Variants in MAF observed in about 807,000 individuals in gnomAD.
MAF encodes the protein MAF bZIP transcription factor.
MAF carries 10 observed loss-of-function variants against 22.0 expected under a neutral mutation model. The observed-to-expected ratio is 0.45, with a 90% CI of 0.28 to 0.77. The LOEUF (loss-of-function observed/expected upper bound fraction) is 0.77. Ranked by LOEUF, MAF falls within the 30% of genes least tolerant of loss-of-function variation. The pLI, the probability that MAF is intolerant of heterozygous loss-of-function variation, is 0.12. For missense variants in MAF, 544 were observed against 548.4 expected (o/e 0.99, Z 0.08); for synonymous variants, 337 against 255.8 (o/e 1.32, Z -3.03).
chr16:79,284,549 A>ATGTC, the MAF span, among the ~76,000 whole-genome samples: 1 of 152,210 alleles, frequency 6.6e-6, no homozygotes, highest in Non-Finnish European at 1.5e-5. Flanking sequence ...AGTTCGGCAG[A>ATGTC]TGTCTGCCAA....
chr16:79,415,112 C>G, the MAF span, among the ~76,000 whole-genome samples: 1 of 152,208 alleles, frequency 6.6e-6, no homozygotes, highest in East Asian at 1.9e-4. Context: ...AACTAGAAAT[C>G]TTTGAGAGCA....
At chr16:79,488,137 C>T in the MAF span, among the ~76,000 whole-genome samples, 12 of 152,220 alleles carry the variant, frequency 7.9e-5, no homozygotes, top group Non-Finnish European at 1.5e-4. Flanking sequence ...CCACGGATAA[C>T]TCATCCTGCT....
the MAF span, among the ~76,000 whole-genome samples, chr16:79,341,081 G>A: frequency 6.6e-6 from 1 of 152,188 alleles, no homozygotes; most frequent in Non-Finnish European, 1.5e-5. Flanking sequence ...CCGGAAGCAG[G>A]AAGAACCAGG....
chr16:79,452,881 C>A, the MAF span, among the ~76,000 whole-genome samples: 2 of 152,174 alleles, frequency 1.3e-5, no homozygotes, highest in African/African-American at 2.4e-5. Context: ...AGAACCTGTG[C>A]CCCTGGATCA....
At chr16:79,209,079 T>G in the MAF span, among the ~76,000 whole-genome samples, 2 of 152,328 alleles carry the variant, frequency 1.3e-5, no homozygotes, top group Admixed American at 1.3e-4. Context: ...TGTGATGGAA[T>G]TTAGATGGTA....
At chr16:79,461,518 A>C in the MAF span, among the ~76,000 whole-genome samples, 1 of 152,176 alleles carries the variant, frequency 6.6e-6, no homozygotes. Context: ...GCGCCAGGCC[A>C]AAAAGGCTCT....
the MAF span, among the ~76,000 whole-genome samples, chr16:79,422,461 CCCACCTTGA>C: frequency 6.6e-6 from 1 of 152,148 alleles, no homozygotes; most frequent in African/African-American, 2.4e-5. Context: ...AGACCTGATT[CCCACCTTGA>C]CCATTTACTG....
At chr16:79,359,526 C>A in the MAF span, among the ~76,000 whole-genome samples, 1 of 152,122 alleles carries the variant, frequency 6.6e-6, no homozygotes, top group Admixed American at 6.5e-5. Flanking sequence ...TCAAGACATG[C>A]CAGGGAGTGG....
At chr16:79,459,503 G>C in the MAF span, among the ~76,000 whole-genome samples, 3 of 152,036 alleles carry the variant, frequency 2.0e-5, no homozygotes, top group African/African-American at 7.2e-5. Flanking sequence ...GTAAGCTTCA[G>C]AATACATTTT....
At chr16:79,587,344 C>T (rs1388334164) in intron 1 of MAF, among the ~76,000 whole-genome samples, 1 of 151,762 alleles carries the variant, frequency 6.6e-6, no homozygotes, top group Non-Finnish European at 1.5e-5. Context: ...GTGATAAAAC[C>T]TGGAAGTGTA....
the MAF span, among the ~76,000 whole-genome samples, chr16:79,549,622 C>T: frequency 8.5e-5 from 13 of 152,172 alleles, no homozygotes; most frequent in Non-Finnish European, 1.5e-4. Flanking sequence ...ACCTCCCTTT[C>T]GGATAGACAC....
At chr16:79,339,877 T>A in the MAF span, among the ~76,000 whole-genome samples, 3 of 152,196 alleles carry the variant, frequency 2.0e-5, no homozygotes, top group Non-Finnish European at 4.4e-5. Flanking sequence ...GGATTTCTTG[T>A]CTCCCCTTCT....
At chr16:79,412,413 C>T in the MAF span, among the ~76,000 whole-genome samples, 1 of 152,208 alleles carries the variant, frequency 6.6e-6, no homozygotes, top group African/African-American at 2.4e-5. Flanking sequence ...GAGTAGTACA[C>T]AGCCTTGACA....
chr16:79,224,153 TTA>T, the MAF span, among the ~76,000 whole-genome samples: 1 of 152,164 alleles, frequency 6.6e-6, no homozygotes, highest in Non-Finnish European at 1.5e-5. Context: ...ATCAAAAAGC[TTA>T]TGCACCACGA....
the MAF span, among the ~76,000 whole-genome samples, chr16:79,476,816 A>G: frequency 6.6e-6 from 1 of 152,202 alleles, no homozygotes; most frequent in Non-Finnish European, 1.5e-5. Context: ...TAGGCAATGA[A>G]GCCTGTCATC....
At chr16:79,309,840 GA>G in the MAF span, among the ~76,000 whole-genome samples, 16 of 152,228 alleles carry the variant, frequency 1.1e-4, no homozygotes, top group African/African-American at 3.9e-4. Flanking sequence ...TATGCTGTGG[GA>G]AAGCCCCACA....
chr16:79,598,160 CTT>C lies in MAF; in HGVS notation c.1118+623_1118+624del, dbSNP rs1458036637. On this transcript the variant is annotated intron_variant, in intron 1 of 1. Coordinates refer to ENST00000326043, the MANE Select transcript of MAF (RefSeq NM_005360.5). ...AAGAACTCAGGAGAAGAAAAAAAAA[CTT>C]TGCTTTTTTTTTTCTTTCATCTCGG... is the stretch of plus-strand genomic sequence containing the variant. 5 of 1,043,406 alleles carry C rather than the reference CTT, an allele frequency of 4.8e-6. No individual in the cohort carries two copies. In the African/African-American group the frequency reaches 5.1e-5, roughly 11 times the overall value. 64.6% of individuals were successfully genotyped at this position (1,043,406 alleles called of 1,614,324 possible).
At chr16:79,275,729 T>G in the MAF span, among the ~76,000 whole-genome samples, 1 of 152,234 alleles carries the variant, frequency 6.6e-6, no homozygotes, top group Admixed American at 6.5e-5. Context: ...AGCCTCATGA[T>G]GTTTTACTTC....
chr16:79,458,819 T>C, the MAF span, among the ~76,000 whole-genome samples: 2 of 152,220 alleles, frequency 1.3e-5, no homozygotes, highest in Non-Finnish European at 2.9e-5. Flanking sequence ...TTTCCTTTCT[T>C]GGGACTTGTC....
Sources: gnomAD v4.1 joint callset for allele counts (sites outside exome capture counted in the v4.1 genomes callset) on GRCh38, gnomAD v4.1.1 for gene constraint, MANE v1.5 for transcripts, NCBI Gene and HGNC (gene_info 2026-07-23, HGNC 2026-07-21) for gene names.